MAPRE2: variants seen among roughly 807,000 people sequenced by gnomAD.
MAPRE2 encodes microtubule-associated protein RP/EB family member 2.
MAPRE2 carries 13 observed loss-of-function variants against 43.2 expected under a neutral mutation model. The observed-to-expected ratio is 0.30, with a 90% CI of 0.20 to 0.48. MAPRE2 has a LOEUF of 0.48. Among genes scored for constraint, MAPRE2 ranks in the 20% least tolerant of loss-of-function variants. The pLI is 0.99. For missense variants in MAPRE2, 161 were observed against 400.2 expected (o/e 0.40, Z 5.10); for synonymous variants, 135 against 148.8 (o/e 0.91, Z 0.68).
chr18:35,116,078 A>G (rs1909395095), intron 4 of MAPRE2, among the ~76,000 whole-genome samples: 1 of 152,224 alleles, frequency 6.6e-6, no homozygotes, highest in Non-Finnish European at 1.5e-5. Flanking sequence ...TCTGACAATA[A>G]ATAGGCAATA....
At chr18:35,000,460 G>T (rs1568967512) in intron 1 of MAPRE2, among the ~76,000 whole-genome samples, 1 of 152,340 alleles carries the variant, frequency 6.6e-6, no homozygotes, top group African/African-American at 2.4e-5. Context: ...AGACATGAAA[G>T]TAGCAGTCTT....
At chr18:35,042,621 A>C (rs1246168339) in intron 1 of MAPRE2, among the ~76,000 whole-genome samples, 1 of 152,206 alleles carries the variant, frequency 6.6e-6, no homozygotes, top group African/African-American at 2.4e-5. Context: ...GGAGACTGAT[A>C]GCTTCGGTCA....
intron 1 of MAPRE2, chr18:34,984,430 G>T (rs1335971412): frequency 6.6e-6 from 1 of 151,186 alleles, no homozygotes; most frequent in East Asian, 1.9e-4. Context: ...AAAAGACAAA[G>T]GGATTCCTTT....
chr18:35,023,234 C>T (rs557668238), intron 2 of MAPRE2, among the ~76,000 whole-genome samples: 12 of 152,020 alleles, frequency 7.9e-5, no homozygotes, highest in African/African-American at 2.9e-4. Flanking sequence ...AATTGTTGGC[C>T]GGGCGTGGTG....
intron 1 of MAPRE2, among the ~76,000 whole-genome samples, chr18:34,987,937 C>G (rs1346515361): frequency 1.3e-5 from 2 of 152,186 alleles, no homozygotes; most frequent in Non-Finnish European, 2.9e-5. Flanking sequence ...GCCACCGCAC[C>G]TGGCCTATAA....
intron 2 of MAPRE2, among the ~76,000 whole-genome samples, chr18:35,013,889 TA>T (rs371274914): frequency 2.1e-3 from 315 of 152,320 alleles, no homozygotes; most frequent in African/African-American, 7.1e-3. Context: ...GTGTATATAC[TA>T]CATTTTCTTT....
At chr18:35,083,848 G>T (rs1198518591) in intron 2 of MAPRE2, among the ~76,000 whole-genome samples, 1 of 152,032 alleles carries the variant, frequency 6.6e-6, no homozygotes, top group East Asian at 1.9e-4. Flanking sequence ...TAAAAATGTT[G>T]ATACCTAAAT....
intron 5 of MAPRE2, chr18:35,127,339 C>T (rs1166482474): frequency 2.4e-6 from 1 of 415,956 alleles, no homozygotes; most frequent in Non-Finnish European, 4.4e-6. Context: ...AGACTTCAGG[C>T]TACCTTCCCC....
At position 35,132,060 on chromosome 18, in the gene MAPRE2, G is replaced by T; in HGVS notation, c.779G>T (p.Gly260Val). Residue 260 changes from glycine to valine, a missense_variant, in exon 6 of 7, where the codon GGC becomes GTC. This residue lies in a region of MAPRE2 where 96 missense variants were observed against 153.3 expected (regional missense o/e 0.63). Transcript: ENST00000300249. ...QVHSLKLALEGVEKERDFYFG... is the reference protein window; with the variant it reads ...QVHSLKLALEVVEKERDFYFG... ...CATTCATTAAAACTTGCCCTTGAAG[G>T]CGTGGAAAAGGAAAGGGATTTCTAC... 6.2e-7 allele frequency: 1 copy of T among 1,614,178 alleles called. No individual in the cohort carries two copies. The highest frequency in any genetic ancestry group is 8.5e-7 in the Non-Finnish European group (1 of 1,180,044).
chr18:35,111,768 C>T (rs1909186101), intron 4 of MAPRE2, among the ~76,000 whole-genome samples: 1 of 152,182 alleles, frequency 6.6e-6, no homozygotes, highest in African/African-American at 2.4e-5. Context: ...AATTTAACCA[C>T]AAATGTTGGT....
chr18:35,076,449 A>C (rs987355959), intron 2 of MAPRE2, among the ~76,000 whole-genome samples: 8 of 152,208 alleles, frequency 5.3e-5, no homozygotes, highest in African/African-American at 1.7e-4. Context: ...TCTGGATGAA[A>C]GAATGGCCAT....
At chr18:35,043,406 G>A (rs1905462465) in intron 1 of MAPRE2, among the ~76,000 whole-genome samples, 1 of 152,090 alleles carries the variant, frequency 6.6e-6, no homozygotes, top group African/African-American at 2.4e-5. Flanking sequence ...GCCTGGTTGG[G>A]TTTTATTACT....
intron 6 of MAPRE2, among the ~76,000 whole-genome samples, chr18:35,134,565 G>A (rs1043178222): frequency 3.3e-5 from 5 of 152,156 alleles, no homozygotes; most frequent in South Asian, 2.1e-4. Flanking sequence ...TACCTCCCTC[G>A]CCGAGTGGTG....
At chr18:35,008,237 T>A (rs2097032763) in intron 2 of MAPRE2, among the ~76,000 whole-genome samples, 2 of 152,114 alleles carry the variant, frequency 1.3e-5, no homozygotes, top group African/African-American at 4.8e-5. Flanking sequence ...CAATAGCTCA[T>A]TAGTAGGCAA....
In MAPRE2 at chr18:35,132,019, C is replaced by T. The variant is rs774229047; in HGVS notation, c.751-13C>T. 1.9e-6 allele frequency: 3 copies of T among 1,612,982 alleles called. No individual in the cohort carries two copies. Among genetic ancestry groups the T allele is most frequent in the Non-Finnish European group, 2.5e-6 (3 of 1,179,586 alleles). On this transcript the variant is annotated splice_polypyrimidine_tract_variant and intron_variant, in intron 5 of 6. Transcript: ENST00000300249. ...TTGGGTGGTTTTTTTTCTTCACTCTCACTCCCTTGCAGGTACATTCATTAA... is the reference window on the plus strand; with the variant it reads ...TTGGGTGGTTTTTTTTCTTCACTCTTACTCCCTTGCAGGTACATTCATTAA...
chr18:35,119,359 A>G (rs1909567588), intron 4 of MAPRE2, among the ~76,000 whole-genome samples: 2 of 152,056 alleles, frequency 1.3e-5, no homozygotes, highest in Admixed American at 1.3e-4. Flanking sequence ...AGCTCTGTCT[A>G]CCCAACCCTG....
At chr18:35,017,244 G>GTTTTTTT (rs140257488) in intron 2 of MAPRE2, among the ~76,000 whole-genome samples, 24 of 126,264 alleles carry the variant, frequency 1.9e-4, no homozygotes, top group African/African-American at 2.8e-4. Context: ...CGGTTTTGTT[G>GTTTTTTT]TTTTTTTTTT....
At chr18:34,991,575 C>T (rs2097023846) in intron 1 of MAPRE2, among the ~76,000 whole-genome samples, 1 of 152,078 alleles carries the variant, frequency 6.6e-6, no homozygotes, top group South Asian at 2.1e-4. Context: ...GAGTCTACCG[C>T]TATATTATAC....
intron 1 of MAPRE2, among the ~76,000 whole-genome samples, chr18:34,998,400 C>A (rs2097027603): frequency 6.7e-6 from 1 of 149,260 alleles, no homozygotes; most frequent in Non-Finnish European, 1.5e-5. Context: ...CATCTCGGCT[C>A]ACTGCAAGCT....
Sources: gnomAD v4.1 joint callset for allele counts (sites outside exome capture counted in the v4.1 genomes callset) on GRCh38, gnomAD v4.1.1 for gene constraint, gnomAD v4.1.1 regional missense constraint, MANE v1.5 for transcripts, NCBI Gene and HGNC (gene_info 2026-07-23, HGNC 2026-07-21) for gene names.